The following TRPM2 variants were observed in gnomAD, a reference collection of about 807,000 sequenced individuals.
TRPM2 encodes the protein estrogen-responsive element-associated gene 1 protein.
Under a neutral mutation model 174.0 loss-of-function variants are expected in TRPM2, and 161 were observed. That is an observed-to-expected ratio of 0.93 (90% CI 0.81 to 1.05). The LOEUF is 1.05. TRPM2 is among the 50% of genes least tolerant of loss of function. The probability of loss-of-function intolerance (pLI) is 0.00; values close to 1 mark genes in which losing one functional copy is unlikely to be tolerated. For synonymous variants in TRPM2, 954 were observed against 861.3 expected, an observed-to-expected ratio of 1.11 and a Z score of -1.88; for missense variants, 2,057 against 2,038.0, an observed-to-expected ratio of 1.01 and a Z score of -0.18.
At chr21:44,396,530 GTGTGGAGGC>G (rs2049412666) in intron 12 of TRPM2, among the ~76,000 whole-genome samples, 2 of 27,132 alleles carry the variant, frequency 7.4e-5, no homozygotes, top group Admixed American at 3.2e-4. Flanking sequence ...CTGTGGAGGG[GTGTGGAGGC>G]TGTGGAGGGG....
rs1305814905 is a variant in TRPM2, at chr21:44,390,913, G to A, written c.1328G>A (p.Ser443Asn). 6.2e-7 allele frequency: 1 copy of A among 1,614,082 alleles called. No homozygotes were observed. Among genetic ancestry groups the A allele is most frequent in the South Asian group, 1.1e-5 (1 of 91,088 alleles). Residue 443 changes from serine (S) to asparagine (N), a missense_variant, in exon 10 of 32, where the codon AGC becomes AAC. Transcript: ENST00000397928. ...ILQALLKASR[S>N]QDHFGHENWD... ...ACCTGTTCATCTGCAGCCTCACGGAGCCAAGACCACTTTGGCCACGAGAAC... is the reference window on the plus strand; with the variant it reads ...ACCTGTTCATCTGCAGCCTCACGGAACCAAGACCACTTTGGCCACGAGAAC...
rs2050621527 is a variant in TRPM2, at chr21:44,423,394, A to AC, written c.3462-249dup. On this transcript the variant is annotated intron_variant, in intron 22 of 31. Coordinates refer to ENST00000397928, the MANE Select transcript of TRPM2 (RefSeq NM_003307.4). ...CACTCACCTCCCCCTCTCTCCTGGG[A>AC]CCGACAGGCTGCCAGAGCTTGCCAT... 1.2e-5 allele frequency: 6 copies of AC among 495,538 alleles called. No individual in the cohort carries two copies. The South Asian group carries it at 1.3e-4, about 11-fold the overall frequency. The allele number at this position is 495,538 out of a possible 1,614,324, so 30.7% of individuals were successfully genotyped here.
intron 20 of TRPM2, chr21:44,414,999 G>C (rs1006850836): frequency 6.6e-6 from 1 of 152,236 alleles, no homozygotes; most frequent in Non-Finnish European, 1.5e-5. Flanking sequence ...TTTGGGGCCG[G>C]TTCCCCAGCC....
At chr21:44,406,179 C>A in intron 18 of TRPM2, 142 bp downstream of exon 18, 5 of 1,073,622 alleles carry the variant, frequency 4.7e-6, no homozygotes, top group Non-Finnish European at 6.7e-6. Flanking sequence ...CTTGGGCTCC[C>A]AAGAATGCCC....
chr21:44,396,926 G>C (rs1602218713), intron 12 of TRPM2, among the ~76,000 whole-genome samples: 2 of 145,250 alleles, frequency 1.4e-5, no homozygotes, highest in Non-Finnish European at 3.1e-5. Flanking sequence ...GGAGGGGTGT[G>C]GGGGGTTGTG....
chr21:44,361,175 T>C (rs1408435930), intron 2 of TRPM2, among the ~76,000 whole-genome samples: 1 of 152,168 alleles, frequency 6.6e-6, no homozygotes, highest in Non-Finnish European at 1.5e-5. Flanking sequence ...ATATGGAGTC[T>C]CATTCTCTGG....
intron 23 of TRPM2, among the ~76,000 whole-genome samples, chr21:44,424,519 G>A (rs1454395687): frequency 6.6e-6 from 1 of 152,246 alleles, no homozygotes; most frequent in African/African-American, 2.4e-5. Flanking sequence ...CTCTCCCTGT[G>A]GTGCAGAATT....
At chr21:44,436,179 G>A (rs948440687) in intron 28 of TRPM2, among the ~76,000 whole-genome samples, 16 of 152,164 alleles carry the variant, frequency 1.1e-4, no homozygotes, top group African/African-American at 3.1e-4. Context: ...GGCACGGGCC[G>A]CCTTCTGTGC....
rs2049891168 is a variant in TRPM2 at position 44,406,676 on chromosome 21, A to G, written c.2873A>G (p.His958Arg). ...FGVAKQAILI[H>R]NERRVDWLFR... is the part of the protein sequence containing the mutation. Reference sequence around the variant, plus strand: ...GTGGCCAAGCAGGCCATCCTCATCCACAACGAGCGCCGGGTGGACTGGCTG... The same window carrying G: ...GTGGCCAAGCAGGCCATCCTCATCCGCAACGAGCGCCGGGTGGACTGGCTG... The change falls in exon 19 of 32, where the codon CAC becomes CGC. Residue 958 changes from histidine to arginine, a missense_variant. Coordinates refer to ENST00000397928, the MANE Select transcript of TRPM2 (RefSeq NM_003307.4). 1 of 1,610,418 alleles carries G rather than the reference A, an allele frequency of 6.2e-7. No individual in the cohort carries two copies. Among genetic ancestry groups the G allele is most frequent in the African/African-American group, 1.3e-5 (1 of 74,800 alleles).
chr21:44,354,141 G>T lies in TRPM2; in HGVS notation c.165+276G>T, dbSNP rs565923517. On this transcript the variant is annotated intron_variant, in intron 1 of 31. Transcript: ENST00000397928. This position sits in a 1 kb window ranked among gnomAD's most constrained non-coding sequence, Gnocchi z 4.3. ...CTAGAGTCCTGGAAATCTGTTACCC[G>T]TGCTTACCTTGTTGCATAATGATTT... is the stretch of plus-strand genomic sequence containing the variant. Among the ~76,000 whole-genome samples the T allele has an allele frequency of 1.3e-5, 2 of 152,320 alleles. No homozygotes were observed. The highest frequency in any genetic ancestry group is 3.9e-4 in the East Asian group (2 of 5,188).
chr21:44,350,383 G>T, upstream of TRPM2: 1 of 150,254 alleles, frequency 6.7e-6, no homozygotes, highest in South Asian at 1.9e-4. Flanking sequence ...GGCGCGGATC[G>T]GGGTGCCGAG....
chr21:44,435,039 G>A, intron 27 of TRPM2, 92 bp from the exon 28 acceptor site: 1 of 1,292,440 alleles, frequency 7.7e-7, no homozygotes, highest in Non-Finnish European at 1.1e-6. Flanking sequence ...GCCGGCTCCT[G>A]ACGCCCGCTG....
At chr21:44,377,294 G>T (rs1295085609) in intron 6 of TRPM2, among the ~76,000 whole-genome samples, 1 of 152,186 alleles carries the variant, frequency 6.6e-6, no homozygotes. Flanking sequence ...CATGCTGCTC[G>T]CATCCACGCG....
chr21:44,399,243 G>GGCT lies in TRPM2; in HGVS notation c.2063-52_2063-50dup. 1 of 1,576,104 alleles carries GGCT rather than the reference G, an allele frequency of 6.3e-7. No individual in the cohort carries two copies. The highest frequency in any genetic ancestry group is 8.6e-7 in the Non-Finnish European group (1 of 1,157,354). On this transcript the variant is annotated intron_variant, in intron 13 of 31. Coordinates refer to ENST00000397928, the MANE Select transcript of TRPM2 (RefSeq NM_003307.4). This position sits in a 1 kb window ranked among gnomAD's most constrained non-coding sequence, Gnocchi z 4.6. ...TGGTTGCCCTCTGACCCGTCCCCAG[G>GGCT]GCTCAGTGATTGTGACCTGCTGCTC... is the stretch of plus-strand genomic sequence containing the variant.
rs765741344 is a variant in TRPM2, at chr21:44,422,262, G to A, written c.3462-1383G>A. 66 of 1,535,376 alleles carry A rather than the reference G, an allele frequency of 4.3e-5. 1 individual carries two copies. Among genetic ancestry groups the A allele is most frequent in the South Asian group, 2.6e-4 (22 of 84,028 alleles). ...TGAGCTGAGTTCACCAAAGCTCCTC[G>A]CCCACAGGGCAGGGCTGGAGCTTTG... is the stretch of plus-strand genomic sequence containing the variant. On this transcript the variant is annotated intron_variant, in intron 22 of 31. Transcript: ENST00000397928.
rs1427590200 is a variant in TRPM2 at position 44,364,297 on chromosome 21, C to T, written c.423+15C>T. 21 of 1,613,018 alleles carry T rather than the reference C, an allele frequency of 1.3e-5. No individual in the cohort carries two copies. The highest frequency in any genetic ancestry group is 1.6e-5 in the Non-Finnish European group (19 of 1,179,340). On this transcript the variant is annotated intron_variant, in intron 3 of 31. Coordinates refer to ENST00000397928, the MANE Select transcript of TRPM2 (RefSeq NM_003307.4). The stretch of plus-strand genomic sequence containing the variant: ...AGGTGAAAAAGGTTGGTTTCCATCA[C>T]TCTCGCTCTGAACTGTAGGTGGAGC...
intron 5 of TRPM2, among the ~76,000 whole-genome samples, chr21:44,375,405 C>T (rs575643576): frequency 1.9e-4 from 29 of 152,308 alleles, no homozygotes; most frequent in African/African-American, 6.0e-4. Context: ...CTGTGGCTGC[C>T]GTAACAAATG....
At position 44,369,349 on chromosome 21, in the gene TRPM2, T is replaced by C. The variant is rs1230329524; in HGVS notation, c.771+6T>C. 1 of 1,604,920 alleles carries C rather than the reference T, an allele frequency of 6.2e-7. No homozygotes were observed. Among genetic ancestry groups the C allele is most frequent in the Non-Finnish European group, 8.5e-7 (1 of 1,174,054 alleles). On this transcript the variant is annotated splice_donor_region_variant and intron_variant, in intron 5 of 31. Transcript: ENST00000397928. ...AGGGCCTGATCCATCCCACGGTGAG[T>C]GCGGCCCCCTAGGGAGGGGAGCCTA... is the stretch of plus-strand genomic sequence containing the variant.
intron 22 of TRPM2, chr21:44,422,323 A>G (rs915978600): frequency 1.3e-6 from 2 of 1,535,884 alleles, no homozygotes; most frequent in South Asian, 1.2e-5. Flanking sequence ...AAATCTAGAC[A>G]GTTCCTGCAT....
Sources: gnomAD v4.1 joint callset for allele counts (sites outside exome capture counted in the v4.1 genomes callset) on GRCh38, gnomAD v4.1.1 for gene constraint, Gnocchi (gnomAD v3.1) non-coding constraint, MANE v1.5 for transcripts, NCBI Gene and HGNC (gene_info 2026-07-23, HGNC 2026-07-21) for gene names.